The following USP39 variants were observed in gnomAD, a reference collection of about 807,000 sequenced individuals.
The protein encoded by USP39 is ubiquitin specific peptidase 39, also known as ubiquitin carboxyl-terminal hydrolase 39.
USP39 carries 38 observed loss-of-function variants against 66.4 expected under a neutral mutation model. The ratio of observed to expected loss-of-function variants is 0.57; its 90% CI spans 0.44 to 0.75. USP39 has a LOEUF of 0.75. Among genes scored for constraint, USP39 ranks in the 30% least tolerant of loss-of-function variants. USP39 has a pLI of 0.00. For missense variants in USP39, 608 were observed against 714.4 expected (o/e 0.85, Z 1.70); for synonymous variants, 303 against 274.6 (o/e 1.10, Z -1.02).
intron 5 of USP39, 91 bp from the exon 6 acceptor site, chr2:85,630,630 C>T: frequency 7.7e-7 from 1 of 1,301,918 alleles, no homozygotes; most frequent in African/African-American, 1.5e-5. Context: ...AGGCACATCA[C>T]AAATTCTATT....
At chr2:85,605,344 C>T (rs1673176735) in intron 1 of USP39, among the ~76,000 whole-genome samples, 1 of 152,092 alleles carries the variant, frequency 6.6e-6, no homozygotes, top group Non-Finnish European at 1.5e-5. Flanking sequence ...TTGTACACTA[C>T]ATTTTATTCA....
chr2:85,612,916 C>T (rs555552230), upstream of USP39, among the ~76,000 whole-genome samples: 1 of 151,742 alleles, frequency 6.6e-6, no homozygotes, highest in South Asian at 2.1e-4. Flanking sequence ...CTGCCTCGGC[C>T]TCCCAAAGTG....
intron 6 of USP39, among the ~76,000 whole-genome samples, chr2:85,632,396 G>T (rs918764821): frequency 1.3e-5 from 2 of 152,020 alleles, no homozygotes; most frequent in Non-Finnish European, 2.9e-5. Context: ...ACTCCAGCTG[G>T]GGAACGGAGG....
chr2:85,645,174 T>C, intron 11 of USP39, 91 bp downstream of exon 11: 1 of 1,563,402 alleles, frequency 6.4e-7, no homozygotes, highest in Non-Finnish European at 8.7e-7. Flanking sequence ...AGTGTGTCCT[T>C]GCTTGGCCTT....
upstream of USP39, chr2:85,616,013 C>CT (rs1464502594): frequency 8.9e-6 from 11 of 1,237,894 alleles, no homozygotes; most frequent in Non-Finnish European, 1.1e-5. Flanking sequence ...ACAGAAGGTT[C>CT]TAAGGGGAGA....
At chr2:85,617,515 A>G (rs1464787112) in intron 1 of USP39, among the ~76,000 whole-genome samples, 1 of 152,132 alleles carries the variant, frequency 6.6e-6, no homozygotes, top group Non-Finnish European at 1.5e-5. Context: ...TCCCTACAAA[A>G]CGAGGAGACA....
At chr2:85,615,756 G>T (rs1673876038), upstream of USP39, among the ~76,000 whole-genome samples, 1 of 152,150 alleles carries the variant, frequency 6.6e-6, no homozygotes, top group Non-Finnish European at 1.5e-5. Context: ...TTAGCCTCCC[G>T]AGTAGCTGGG....
At chr2:85,638,891 TG>T (rs1401883456) in intron 8 of USP39, among the ~76,000 whole-genome samples, 1 of 151,828 alleles carries the variant, frequency 6.6e-6, no homozygotes, top group East Asian at 1.9e-4. Flanking sequence ...CAGGCTGGTC[TG>T]GAAGTCCTGG....
chr2:85,636,327 G>A (rs1487112053), intron 7 of USP39, among the ~76,000 whole-genome samples, 197 bp downstream of exon 7: 1 of 152,082 alleles, frequency 6.6e-6, no homozygotes, highest in Non-Finnish European at 1.5e-5. Context: ...AGTTATTCAG[G>A]TGTGGTGGGA....
chr2:85,639,066 C>T (rs1044788642), intron 8 of USP39, 137 bp from the exon 9 acceptor site: 3 of 839,902 alleles, frequency 3.6e-6, no homozygotes, highest in Non-Finnish European at 5.3e-6. Context: ...TGGTGCATGC[C>T]AAACTGCCCA....
At chr2:85,623,482 TTA>T (rs1229560056) in intron 3 of USP39, 162 bp from the exon 4 acceptor site, 26 of 1,034,022 alleles carry the variant, frequency 2.5e-5, no homozygotes, top group Non-Finnish European at 3.5e-5. Context: ...GCTAATTTTT[TTA>T]TGAGAGAACT....
upstream of USP39, among the ~76,000 whole-genome samples, chr2:85,612,554 C>G (rs539769401): frequency 1.2e-3 from 183 of 152,384 alleles, no homozygotes; most frequent in Admixed American, 3.7e-3. Context: ...CTCTCCTGGC[C>G]CGGCTTGCCT....
chr2:85,623,499 G>T (rs1240473496), intron 3 of USP39, 147 bp from the exon 4 acceptor site: 4 of 1,180,396 alleles, frequency 3.4e-6, no homozygotes, highest in Non-Finnish European at 4.6e-6. Flanking sequence ...AGAACTTCAT[G>T]TGGAGGATTC....
intron 6 of USP39, among the ~76,000 whole-genome samples, chr2:85,633,586 A>G (rs1241473105): frequency 6.6e-6 from 1 of 152,200 alleles, no homozygotes; most frequent in Non-Finnish European, 1.5e-5. Context: ...CCTGCGTGAC[A>G]TAGACCCTAT....
At chr2:85,622,084 T>G (rs905742106) in intron 3 of USP39, among the ~76,000 whole-genome samples, 1 of 151,780 alleles carries the variant, frequency 6.6e-6, no homozygotes, top group Non-Finnish European at 1.5e-5. Flanking sequence ...CCTCCCACAG[T>G]GCTGGGATTA....
intron 5 of USP39, among the ~76,000 whole-genome samples, chr2:85,629,223 C>G (rs1413492920): frequency 1.3e-5 from 2 of 151,656 alleles, no homozygotes; most frequent in Non-Finnish European, 2.9e-5. Flanking sequence ...ACCACCACAC[C>G]CAGCTAATTT....
At chr2:85,620,147 C>T (rs1306600618) in intron 2 of USP39, among the ~76,000 whole-genome samples, 1 of 151,518 alleles carries the variant, frequency 6.6e-6, no homozygotes, top group African/African-American at 2.4e-5. Context: ...CATGAGCCAC[C>T]ACGCCCAGCC....
upstream of USP39, among the ~76,000 whole-genome samples, chr2:85,609,841 C>T (rs532829585): frequency 2.6e-5 from 4 of 151,686 alleles, no homozygotes; most frequent in South Asian, 6.2e-4. Context: ...CCACCACATC[C>T]AGCTAATTTT....
chr2:85,625,870 T>C (rs1412136756), intron 5 of USP39, among the ~76,000 whole-genome samples, 179 bp downstream of exon 5: 1 of 150,632 alleles, frequency 6.6e-6, no homozygotes, highest in African/African-American at 2.4e-5. Flanking sequence ...ATACAAAAAT[T>C]AGCTAGATAT....
Sources: allele counts gnomAD v4.1 joint callset (sites outside exome capture counted in the v4.1 genomes callset), GRCh38; gene constraint gnomAD v4.1.1; transcripts MANE v1.5; gene names NCBI Gene and HGNC (gene_info 2026-07-23, HGNC 2026-07-21).